IGF2BP2: variants seen among roughly 807,000 people sequenced by gnomAD.
The protein encoded by IGF2BP2 is insulin like growth factor 2 mRNA binding protein 2.
Under a neutral mutation model 75.8 loss-of-function variants are expected in IGF2BP2, and 17 were observed. The ratio of observed to expected loss-of-function variants is 0.22; its 90% CI spans 0.15 to 0.34. The LOEUF (loss-of-function observed/expected upper bound fraction) is 0.34. IGF2BP2 is among the 10% of genes least tolerant of loss of function. The pLI is 1.00. For synonymous variants in IGF2BP2, 288 were observed against 295.6 expected, an observed-to-expected ratio of 0.97 and a Z score of 0.26; for missense variants, 516 against 772.4, an observed-to-expected ratio of 0.67 and a Z score of 3.93.
intron 6 of IGF2BP2, among the ~76,000 whole-genome samples, chr3:185,688,737 T>C (rs189418348): frequency 1.3e-5 from 2 of 152,338 alleles, no homozygotes; most frequent in Admixed American, 6.5e-5. Flanking sequence ...TTTAAAGTGC[T>C]ACAACTTGAA....
In IGF2BP2 at chr3:185,673,441, T is replaced by G. The variant is rs566272443; in HGVS notation, c.1072-772A>C. ...CATACGTAAACTCCATTAGCCAGGTTCGGGATGGTTTACAACTTTGTCTCT... is the reference window on the plus strand; with the variant it reads ...CATACGTAAACTCCATTAGCCAGGTGCGGGATGGTTTACAACTTTGTCTCT... On this transcript the variant is annotated intron_variant, in intron 9 of 15. Transcript: ENST00000382199. Among the ~76,000 whole-genome samples, 7 of 152,356 alleles carry G rather than the reference T, an allele frequency of 4.6e-5. No homozygotes were observed. The East Asian group carries it at 7.7e-4, about 17-fold the overall frequency.
intron 9 of IGF2BP2, among the ~76,000 whole-genome samples, chr3:185,674,814 T>C (rs1044555112): frequency 1.3e-5 from 2 of 152,034 alleles, no homozygotes; most frequent in African/African-American, 2.4e-5. Flanking sequence ...ATTGTAAATT[T>C]ACTTATATAC....
intron 2 of IGF2BP2, among the ~76,000 whole-genome samples, chr3:185,817,642 A>C (rs572335665): frequency 1.3e-5 from 2 of 152,346 alleles, no homozygotes; most frequent in South Asian, 4.1e-4. Flanking sequence ...TAAGTTTGTA[A>C]GCATGAAGTC....
At chr3:185,799,585 A>G (rs1006359495) in intron 2 of IGF2BP2, among the ~76,000 whole-genome samples, 2 of 151,880 alleles carry the variant, frequency 1.3e-5, no homozygotes, top group Non-Finnish European at 2.9e-5. Context: ...CGTCTCTACT[A>G]AAAAAATACA....
chr3:185,708,576 C>T (rs1724371423), intron 2 of IGF2BP2, among the ~76,000 whole-genome samples: 1 of 152,002 alleles, frequency 6.6e-6, no homozygotes, highest in Non-Finnish European at 1.5e-5. Flanking sequence ...TGGTCAGGCT[C>T]CCCTGGCGCA....
intron 2 of IGF2BP2, chr3:185,767,986 A>T (rs1278530702): frequency 3.9e-5 from 6 of 152,238 alleles, no homozygotes; most frequent in African/African-American, 9.6e-5. Flanking sequence ...TCCTTAAAAA[A>T]ATCTGAAATG....
chr3:185,731,587 C>T (rs1231898675), intron 2 of IGF2BP2, among the ~76,000 whole-genome samples: 5 of 152,108 alleles, frequency 3.3e-5, no homozygotes, highest in Admixed American at 3.3e-4. Context: ...GGGAGCCATG[C>T]CTAGTCACTA....
chr3:185,814,333 A>C (rs1169152891), intron 2 of IGF2BP2, among the ~76,000 whole-genome samples: 1 of 152,216 alleles, frequency 6.6e-6, no homozygotes, highest in Non-Finnish European at 1.5e-5. Flanking sequence ...TTATTCATAC[A>C]ATGATAAAGA....
intron 7 of IGF2BP2, among the ~76,000 whole-genome samples, chr3:185,678,791 CAT>C (rs751122308): frequency 5.3e-4 from 80 of 152,298 alleles, no homozygotes; most frequent in South Asian, 1.0e-3. Flanking sequence ...GTTGACTTCA[CAT>C]GTTTAGAACT....
At chr3:185,714,201 T>C (rs1725251767) in intron 2 of IGF2BP2, among the ~76,000 whole-genome samples, 1 of 152,122 alleles carries the variant, frequency 6.6e-6, no homozygotes, top group Non-Finnish European at 1.5e-5. Flanking sequence ...ATGCTCTGTA[T>C]ATGCATTTTT....
At chr3:185,819,848 G>GT (rs113851927) in intron 2 of IGF2BP2, among the ~76,000 whole-genome samples, 68,009 of 151,590 alleles carry the variant, frequency 0.45, 18,284 homozygotes, top group African/African-American at 0.77. Context: ...GAGATTGGAT[G>GT]TTTTTTTCTT....
chr3:185,809,756 C>T (rs1413804489), intron 2 of IGF2BP2, among the ~76,000 whole-genome samples: 6 of 151,880 alleles, frequency 4.0e-5, no homozygotes, highest in Admixed American at 1.3e-4. Context: ...AAAATACAGA[C>T]GAAAAATAAG....
At chr3:185,816,491 G>T (rs1017344446) in intron 2 of IGF2BP2, among the ~76,000 whole-genome samples, 6 of 152,020 alleles carry the variant, frequency 3.9e-5, no homozygotes, top group African/African-American at 1.2e-4. Context: ...TACCACCCTC[G>T]AACAGCATTC....
rs567490180 is a variant in IGF2BP2 at position 185,787,912 on chromosome 3, A to G, written c.239+35241T>C. ...TTAATAATTTGTTTTGTTTTTTTAA[A>G]CAATTACTTAAAGGTAATATAGACA... is the stretch of plus-strand genomic sequence containing the variant. On this transcript the variant is annotated intron_variant, in intron 2 of 15. Coordinates refer to ENST00000382199, the MANE Select transcript of IGF2BP2 (RefSeq NM_006548.6). Among the ~76,000 whole-genome samples, 9 of 152,332 alleles carry G rather than the reference A, an allele frequency of 5.9e-5. No individual in the cohort carries two copies. The South Asian group carries it at 1.9e-3, about 32-fold the overall frequency.
intron 2 of IGF2BP2, among the ~76,000 whole-genome samples, chr3:185,790,833 A>G (rs946108764): frequency 2.0e-5 from 3 of 152,270 alleles, no homozygotes; most frequent in Non-Finnish European, 4.4e-5. Context: ...TCAAGTTACT[A>G]TAAGACTTTA....
chr3:185,729,876 A>G (rs1727904705), intron 2 of IGF2BP2: 3 of 152,224 alleles, frequency 2.0e-5, no homozygotes, highest in African/African-American at 7.2e-5. Context: ...ACATGCGAAT[A>G]TATGTATCTT....
intron 2 of IGF2BP2, among the ~76,000 whole-genome samples, chr3:185,770,263 G>A (rs1369490474): frequency 2.0e-5 from 3 of 152,126 alleles, no homozygotes; most frequent in African/African-American, 7.2e-5. Context: ...CACATAGTTA[G>A]GACTCAGGAC....
chr3:185,713,418 G>T (rs1402308742), intron 2 of IGF2BP2: 2 of 520,032 alleles, frequency 3.8e-6, no homozygotes, highest in Admixed American at 3.9e-5. Flanking sequence ...GCAGTGGGCG[G>T]CTTGGTTTAA....
At chr3:185,769,492 C>A in intron 2 of IGF2BP2, among the ~76,000 whole-genome samples, 1 of 152,134 alleles carries the variant, frequency 6.6e-6, no homozygotes, top group East Asian at 1.9e-4. Flanking sequence ...AAAGGCCACT[C>A]TTCAATTTGC....
Sources: gnomAD v4.1 joint callset for allele counts (sites outside exome capture counted in the v4.1 genomes callset) on GRCh38, gnomAD v4.1.1 for gene constraint, MANE v1.5 for transcripts, NCBI Gene and HGNC (gene_info 2026-07-23, HGNC 2026-07-21) for gene names.